KAT8: variants seen among roughly 807,000 people sequenced by gnomAD.
KAT8 encodes histone acetyltransferase KAT8.
KAT8 carries 40 observed loss-of-function variants against 62.9 expected under a neutral mutation model. That is an observed-to-expected ratio of 0.64 (90% CI 0.49 to 0.83). The LOEUF (loss-of-function observed/expected upper bound fraction) is 0.83. Ranked by LOEUF, KAT8 falls within the 40% of genes least tolerant of loss-of-function variation. The pLI, the probability that KAT8 is intolerant of heterozygous loss-of-function variation, is 0.00. For missense variants in KAT8, 387 were observed against 614.8 expected (o/e 0.63, Z 3.92); for synonymous variants, 278 against 254.5 (o/e 1.09, Z -0.88).
At chr16:31,130,411 G>A in intron 8 of KAT8, 45 bp from the exon 9 acceptor site, 1 of 1,614,112 alleles carries the variant, frequency 6.2e-7, no homozygotes. Flanking sequence ...GGGCAGGGGT[G>A]CCAGGGCAGG....
chr16:31,118,880 CTTTTTTTTTTTTT>C (rs34659650), intron 1 of KAT8: 1 of 121,998 alleles, frequency 8.2e-6, no homozygotes, highest in Non-Finnish European at 1.7e-5. Flanking sequence ...TCCCTTTTGT[CTTTTTTTTTTTTT>C]TTTTTTTTGA....
At position 31,117,747 on chromosome 16, in the gene KAT8, G is replaced by T; in HGVS notation, c.66G>T (p.Glu22Asp). The part of the protein sequence containing the change: ...AGTSGVAGEG[E>D]PGPGENAAAE... Reference sequence around the variant, plus strand: ...CTTCAGGGGTCGCGGGGGAGGGCGAGCCCGGGCCCGGGGAGAATGCGGCCG... The same window carrying T: ...CTTCAGGGGTCGCGGGGGAGGGCGATCCCGGGCCCGGGGAGAATGCGGCCG... The change falls in exon 1 of 11, where the codon GAG (glutamate) becomes GAT (aspartate). Residue 22 changes from glutamate to aspartate, a missense_variant. Glu to Asp is a conservative substitution (Grantham distance 45). Around this residue, in one of 6 missense-constraint regions of KAT8, gnomAD observed 92 missense variants for 78.8 expected, o/e 1.17. Coordinates refer to ENST00000219797, the MANE Select transcript of KAT8 (RefSeq NM_032188.3). 7.2e-7 allele frequency: 1 copy of T among 1,379,952 alleles called. No individual in the cohort carries two copies. 85.5% of individuals were successfully genotyped at this position (1,379,952 alleles called of 1,614,324 possible).
chr16:31,127,393 G>T, intron 5 of KAT8, 40 bp downstream of exon 5: 1 of 1,607,664 alleles, frequency 6.2e-7, no homozygotes, highest in Non-Finnish European at 8.5e-7. Flanking sequence ...GCAGGGGCCC[G>T]GTGAGAGGCA....
chr16:31,122,892 T>C (rs60996860), intron 3 of KAT8, among the ~76,000 whole-genome samples: 1 of 148,638 alleles, frequency 6.7e-6, no homozygotes, highest in Non-Finnish European at 1.5e-5. Flanking sequence ...AAAAAAAAAA[T>C]TTTTAAATTA....
chr16:31,127,488 G>C (rs1162811980), intron 5 of KAT8, 135 bp downstream of exon 5: 16 of 902,694 alleles, frequency 1.8e-5, no homozygotes, highest in Non-Finnish European at 2.5e-5. Flanking sequence ...GGGAAGAGCT[G>C]CTGGGGGTCA....
intron 5 of KAT8, 65 bp from the exon 6 acceptor site, chr16:31,127,985 G>T (rs1233279017): frequency 1.8e-6 from 2 of 1,138,294 alleles, no homozygotes; most frequent in African/African-American, 3.0e-5. Flanking sequence ...GCATGCAGTG[G>T]TGGGTTGGGT....
intron 3 of KAT8, chr16:31,123,989 TCC>T (rs2057516914): frequency 1.3e-5 from 2 of 152,224 alleles, no homozygotes; most frequent in Admixed American, 1.3e-4. Context: ...GAAACAATCA[TCC>T]AGTTAACAAT....
rs559024414 is a variant in KAT8, at chr16:31,125,811, C to G, written c.463-1224C>G. The G allele has an allele frequency of 2.0e-5, 3 of 152,294 alleles. No individual in the cohort carries two copies. The South Asian group carries it at 6.2e-4, about 32-fold the overall frequency. 9.4% of individuals were successfully genotyped at this position (152,294 alleles called of 1,614,324 possible). The stretch of plus-strand genomic sequence containing the variant: ...CCGTCTTGGGTCCCCCTTCCATTGT[C>G]AGGCTGTACTGGGTTCCTCCCACAG... On this transcript the variant is annotated intron_variant, in intron 3 of 10. Coordinates refer to ENST00000219797, the MANE Select transcript of KAT8 (RefSeq NM_032188.3).
At chr16:31,125,856 A>G (rs1294617734) in intron 3 of KAT8, 1 of 152,168 alleles carries the variant, frequency 6.6e-6, no homozygotes, top group African/African-American at 2.4e-5. Flanking sequence ...TAGGAGCAGG[A>G]TGTGTTGTGA....
rs769671357 is a variant in KAT8, at chr16:31,127,370, CG to C, written c.681+20del. 3 of 1,613,074 alleles carry C rather than the reference CG, an allele frequency of 1.9e-6. No individual in the cohort carries two copies. In the South Asian group the frequency reaches 3.3e-5, roughly 18 times the overall value. On this transcript the variant is annotated intron_variant, in intron 5 of 10. Coordinates refer to ENST00000219797, the MANE Select transcript of KAT8 (RefSeq NM_032188.3). ...TTCCACTTGGTGAGGCTGGGCCGGC[CG>C]GGCCGAGCTGGGCAGGGGCCCGGTG...
intron 6 of KAT8, among the ~76,000 whole-genome samples, chr16:31,129,011 A>G (rs1223552976): frequency 6.6e-6 from 1 of 152,218 alleles, no homozygotes; most frequent in East Asian, 1.9e-4. Flanking sequence ...AGGGTGGCTC[A>G]TGTTGCCTTG....
At chr16:31,127,382 G>T in intron 5 of KAT8, 29 bp downstream of exon 5, 1 of 1,611,964 alleles carries the variant, frequency 6.2e-7, no homozygotes, top group East Asian at 2.2e-5. Flanking sequence ...GGCCGAGCTG[G>T]GCAGGGGCCC....
chr16:31,131,001 C>T lies in KAT8; in HGVS notation c.1312+101C>T, dbSNP rs1042077975. The T allele has an allele frequency of 3.3e-6, 5 of 1,526,798 alleles. No homozygotes were observed. The African/African-American group carries it at 4.1e-5, about 13-fold the overall frequency. The allele number at this position is 1,526,798 out of a possible 1,614,324, so 94.6% of individuals were successfully genotyped here. ...TTATTGCTGTCACATGATCCCAAACCAGTCAGACCAGCTCCCAGGATGGAG... is the reference window on the plus strand; with the variant it reads ...TTATTGCTGTCACATGATCCCAAACTAGTCAGACCAGCTCCCAGGATGGAG... On this transcript the variant is annotated intron_variant, in intron 10 of 10. Coordinates refer to ENST00000219797, the MANE Select transcript of KAT8 (RefSeq NM_032188.3).
intron 3 of KAT8, among the ~76,000 whole-genome samples, chr16:31,121,789 A>T (rs11649030): frequency 6.6e-6 from 1 of 151,316 alleles, no homozygotes; most frequent in Non-Finnish European, 1.5e-5. Flanking sequence ...GTCTTACTCT[A>T]TCGTCTAGGC....
chr16:31,127,131 C>T (rs765851860), intron 4 of KAT8, 43 bp downstream of exon 4: 2 of 1,613,978 alleles, frequency 1.2e-6, no homozygotes, highest in South Asian at 1.1e-5. Flanking sequence ...CCCGTCTCCC[C>T]TTGCCGAGGA....
At chr16:31,120,281 G>C in intron 2 of KAT8, 21 bp downstream of exon 2, 2 of 1,614,072 alleles carry the variant, frequency 1.2e-6, no homozygotes, top group East Asian at 4.5e-5. Flanking sequence ...TGGCACATCT[G>C]GGCGTGGGTG....
chr16:31,124,013 T>G (rs1383147389), intron 3 of KAT8: 5 of 152,262 alleles, frequency 3.3e-5, no homozygotes, highest in Admixed American at 6.5e-5. Context: ...AGCAAGGTTC[T>G]TCAGAGCCTA....
rs2057563738 is a variant in KAT8 at position 31,130,116 on chromosome 16, G to T, written c.871G>T (p.Val291Leu). 1 of 1,613,594 alleles carries T rather than the reference G, an allele frequency of 6.2e-7. No homozygotes were observed. The highest frequency in any genetic ancestry group is 1.1e-5 in the South Asian group (1 of 91,072). Reference sequence around the variant, plus strand: ...GTTCGTCTTTTACATCCTGACTGAGGTGGACCGGCAGGGGGCCCACATTGT... The same window carrying T: ...GTTCGTCTTTTACATCCTGACTGAGTTGGACCGGCAGGGGGCCCACATTGT... ...EPFVFYILTEVDRQGAHIVGY... is the reference protein window; with the variant it reads ...EPFVFYILTELDRQGAHIVGY... Residue 291 changes from valine (V) to leucine (L), a missense_variant, in exon 7 of 11, where the codon GTG becomes TTG. By Grantham distance (32) the Val-to-Leu change is conservative. Transcript: ENST00000219797.
rs757931473 is a variant in KAT8 at position 31,120,325 on chromosome 16, G to T, written c.287-14G>T. On this transcript the variant is annotated splice_polypyrimidine_tract_variant and intron_variant, in intron 2 of 10. Transcript: ENST00000219797. ...TGGCTGCCCTGGCAGCACTCTTATG[G>T]CCCATACTTACAGTTAACCGGCGGC... The T allele has an allele frequency of 3.7e-6, 6 of 1,613,954 alleles. No homozygotes were observed. The highest frequency in any genetic ancestry group is 4.2e-6 in the Non-Finnish European group (5 of 1,179,944).
Sources: gnomAD v4.1 joint callset for allele counts (sites outside exome capture counted in the v4.1 genomes callset) on GRCh38, gnomAD v4.1.1 for gene constraint, gnomAD v4.1.1 regional missense constraint, MANE v1.5 for transcripts, NCBI Gene and HGNC (gene_info 2026-07-23, HGNC 2026-07-21) for gene names.